The following NXPH1 variants were observed in gnomAD, a reference collection of about 807,000 sequenced individuals.
NXPH1 encodes neurexophilin-1.
NXPH1 carries 5 observed loss-of-function variants against 23.7 expected under a neutral mutation model. That is an observed-to-expected ratio of 0.21 (90% CI 0.11 to 0.44). The LOEUF (loss-of-function observed/expected upper bound fraction) is 0.44. Among genes scored for constraint, NXPH1 ranks in the 20% least tolerant of loss-of-function variants. NXPH1 has a pLI of 0.99. For missense variants in NXPH1, 324 were observed against 321.6 expected (o/e 1.01, Z -0.06); for synonymous variants, 144 against 122.2 (o/e 1.18, Z -1.18).
chr7:8,627,907 A>C (rs189821073), intron 2 of NXPH1, among the ~76,000 whole-genome samples: 6 of 152,206 alleles, frequency 3.9e-5, no homozygotes, highest in African/African-American at 1.4e-4. Context: ...AGAAAAAAAG[A>C]AGCACTTTGA....
chr7:8,625,901 A>G (rs1002154566), intron 2 of NXPH1, among the ~76,000 whole-genome samples: 4 of 152,180 alleles, frequency 2.6e-5, no homozygotes, highest in Admixed American at 1.3e-4. Context: ...GTTTCAAACA[A>G]TGAGTCAGAG....
At chr7:8,617,009 G>A (rs1243836606) in intron 2 of NXPH1, among the ~76,000 whole-genome samples, 3 of 152,124 alleles carry the variant, frequency 2.0e-5, no homozygotes, top group Admixed American at 6.6e-5. Context: ...AGAAAGGAGC[G>A]GATTGTTTGA....
intron 2 of NXPH1, among the ~76,000 whole-genome samples, chr7:8,644,965 T>C (rs1820372367): frequency 1.3e-5 from 2 of 152,228 alleles, no homozygotes; most frequent in African/African-American, 2.4e-5. Flanking sequence ...ACCTTTTTGC[T>C]TAGCATATTA....
chr7:8,697,862 T>C (rs1355930021), intron 2 of NXPH1, among the ~76,000 whole-genome samples: 1 of 151,766 alleles, frequency 6.6e-6, no homozygotes, highest in African/African-American at 2.4e-5. Flanking sequence ...GTTTGGAGAG[T>C]GGAGCAAGAG....
intron 2 of NXPH1, among the ~76,000 whole-genome samples, chr7:8,643,288 T>C (rs141156154): frequency 0.02 from 3,106 of 152,308 alleles, 46 homozygotes; most frequent in Middle Eastern, 0.082. Context: ...TATATGTATA[T>C]GTACATATAT....
At chr7:8,743,769 C>G (rs986600147) in intron 2 of NXPH1, among the ~76,000 whole-genome samples, 20 of 151,536 alleles carry the variant, frequency 1.3e-4, no homozygotes, top group Admixed American at 2.6e-4. Flanking sequence ...CTGCAAGCTC[C>G]GCCTCCCGAG....
chr7:8,732,631 G>A (rs967266365), intron 2 of NXPH1, among the ~76,000 whole-genome samples: 2 of 152,082 alleles, frequency 1.3e-5, no homozygotes, highest in Admixed American at 6.5e-5. Flanking sequence ...GTCTTTTAAT[G>A]TGTTATTTTA....
Position 8,519,017 on chromosome 7 carries a change from G to A in NXPH1, c.54+83250G>A, listed in dbSNP as rs575447421. 2.0e-5 allele frequency among the ~76,000 whole-genome samples: 3 copies of A among 152,122 alleles called. No homozygotes were observed. The South Asian group carries it at 6.2e-4, about 32-fold the overall frequency. On this transcript the variant is annotated intron_variant, in intron 2 of 2. Coordinates refer to ENST00000405863, the MANE Select transcript of NXPH1 (RefSeq NM_152745.3). ...ATTGTATCTTTATGTAAAGCATGTA[G>A]CAGAGTGCTTGGCATGGGTAGGCTA... is the stretch of plus-strand genomic sequence containing the variant.
chr7:8,555,391 G>T (rs1396463246), intron 2 of NXPH1, among the ~76,000 whole-genome samples: 1 of 151,670 alleles, frequency 6.6e-6, no homozygotes, highest in African/African-American at 2.4e-5. Flanking sequence ...CCAGGCAGAA[G>T]ATACGAGTAG....
At chr7:8,444,880 C>T (rs7806226) in intron 2 of NXPH1, among the ~76,000 whole-genome samples, 2 of 152,268 alleles carry the variant, frequency 1.3e-5, no homozygotes, top group African/African-American at 4.8e-5. Context: ...TAAAGTAATA[C>T]TATCTGTCCT....
rs142867880 is a variant in NXPH1 at position 8,616,036 on chromosome 7, T to C, written c.55-134972T>C. Among the ~76,000 whole-genome samples the C allele has an allele frequency of 3.4e-3, 515 of 152,188 alleles. 4 individuals are homozygous for C. The highest frequency in any genetic ancestry group is 0.012 in the African/African-American group (495 of 41,548). ...ACATTAAAATGAAAGATAGATTATA[T>C]TAGATCTCTGCTCAAATCCCTCTCA... On this transcript the variant is annotated intron_variant, in intron 2 of 2. Transcript: ENST00000405863.
chr7:8,715,789 C>A (rs1353863468), intron 2 of NXPH1, among the ~76,000 whole-genome samples: 1 of 152,032 alleles, frequency 6.6e-6, no homozygotes, highest in Non-Finnish European at 1.5e-5. Context: ...GGACAGCAAA[C>A]AGGACCAGTG....
At chr7:8,694,811 T>G (rs2349776) in intron 2 of NXPH1, among the ~76,000 whole-genome samples, 60,450 of 151,956 alleles carry the variant, frequency 0.4, 12,367 homozygotes, top group Non-Finnish European at 0.45. Context: ...GCTTTCTAAC[T>G]TCTCAGAGTT....
intron 2 of NXPH1, among the ~76,000 whole-genome samples, chr7:8,734,966 G>A (rs892258924): frequency 2.6e-5 from 4 of 152,184 alleles, no homozygotes; most frequent in Non-Finnish European, 4.4e-5. Context: ...GTATAAAAAT[G>A]CTTGTGATTT....
At chr7:8,632,818 T>C (rs552334229) in intron 2 of NXPH1, among the ~76,000 whole-genome samples, 2 of 152,324 alleles carry the variant, frequency 1.3e-5, no homozygotes, top group African/African-American at 2.4e-5. Flanking sequence ...ATTTTGAATA[T>C]ATCTTTCTAG....
At chr7:8,600,335 T>C (rs1287559395) in intron 2 of NXPH1, among the ~76,000 whole-genome samples, 1 of 152,166 alleles carries the variant, frequency 6.6e-6, no homozygotes, top group Non-Finnish European at 1.5e-5. Context: ...AAGGTTCAAT[T>C]TATTTCCTAC....
chr7:8,473,268 T>C (rs1256562137), intron 2 of NXPH1, among the ~76,000 whole-genome samples: 1 of 152,160 alleles, frequency 6.6e-6, no homozygotes, highest in African/African-American at 2.4e-5. Flanking sequence ...TTGAAAATCA[T>C]TGACAAAAGC....
chr7:8,559,018 G>A (rs755928886), intron 2 of NXPH1, among the ~76,000 whole-genome samples: 3 of 151,644 alleles, frequency 2.0e-5, no homozygotes, highest in African/African-American at 4.8e-5. Context: ...CCAGGCTGGA[G>A]TGTGGTGGCA....
At chr7:8,457,476 A>T (rs527834794) in intron 2 of NXPH1, among the ~76,000 whole-genome samples, 33 of 151,786 alleles carry the variant, frequency 2.2e-4, no homozygotes, top group Non-Finnish European at 3.7e-4. Context: ...TGGAAAACCG[A>T]GGGTCTAGTC....
Sources: gnomAD v4.1 joint callset for allele counts (sites outside exome capture counted in the v4.1 genomes callset) on GRCh38, gnomAD v4.1.1 for gene constraint, MANE v1.5 for transcripts, NCBI Gene and HGNC (gene_info 2026-07-23, HGNC 2026-07-21) for gene names.